GPR107: variants seen among roughly 807,000 people sequenced by gnomAD.
GPR107 encodes G protein-coupled receptor 107, also known as protein GPR107.
In GPR107, 31 loss-of-function variants were observed where a neutral mutation model predicts 75.5. That is an observed-to-expected ratio of 0.41 (90% confidence interval 0.31 to 0.55). The LOEUF is 0.55. Ranked by LOEUF, GPR107 falls within the 20% of genes least tolerant of loss-of-function variation. The pLI is 0.26. For missense variants in GPR107, 572 were observed against 665.7 expected, an observed-to-expected ratio of 0.86 and a Z score of 1.55; for synonymous variants, 267 against 251.3, an observed-to-expected ratio of 1.06 and a Z score of -0.59.
chr9:130,076,540 A>C, intron 3 of GPR107, 78 bp downstream of exon 3: 1 of 906,526 alleles, frequency 1.1e-6, no homozygotes, highest in East Asian at 2.4e-5. Context: ...TACTTCTTGC[A>C]GTTCCATTTT....
At chr9:130,134,985 C>T (rs1564689601) in intron 17 of GPR107, 40 bp from the exon 18 acceptor site, 2 of 1,142,408 alleles carry the variant, frequency 1.8e-6, no homozygotes, top group African/African-American at 3.0e-5. Flanking sequence ...TACTAAGAGA[C>T]TGTGAGATGT....
chr9:130,100,863 C>A (rs1831011536), intron 11 of GPR107, among the ~76,000 whole-genome samples, 161 bp downstream of exon 11: 1 of 152,212 alleles, frequency 6.6e-6, no homozygotes, highest in Admixed American at 6.5e-5. Context: ...GCTGTCCAGA[C>A]TTGGGAAGTC....
rs1387694786 is a variant in GPR107, at chr9:130,140,058, A to T, written c.*4937A>T. On this transcript the variant is annotated 3_prime_UTR_variant, in exon 18 of 18. Coordinates refer to ENST00000347136, the MANE Select transcript of GPR107 (RefSeq NM_020960.5). This position sits in a 1 kb window ranked among gnomAD's most constrained non-coding sequence, Gnocchi z 4.0. ...CACTAATGATCATTGAAGAGTATTT[A>T]TGTAAACATACAACGTATAATGGGT... 1 of 152,162 alleles carries T rather than the reference A, an allele frequency of 6.6e-6. No individual in the cohort carries two copies. The highest frequency in any genetic ancestry group is 2.4e-5 in the African/African-American group (1 of 41,434). 9.4% of individuals were successfully genotyped at this position (152,162 alleles called of 1,614,324 possible).
intron 4 of GPR107, 41 bp from the exon 5 acceptor site, chr9:130,079,589 A>C: frequency 6.3e-7 from 1 of 1,597,750 alleles, no homozygotes; most frequent in Non-Finnish European, 8.6e-7. Flanking sequence ...GGCCAGGAGC[A>C]CTGCTTTGAC....
intron 7 of GPR107, among the ~76,000 whole-genome samples, chr9:130,087,805 C>CAAAAAAAAAAAA (rs35984705): frequency 3.5e-4 from 31 of 87,620 alleles, no homozygotes; most frequent in African/African-American, 1.0e-3. Context: ...GACCCTGTCT[C>CAAAAAAAAAAAA]AAAAAAAAAA....
chr9:130,128,595 A>G (rs1312691055), intron 16 of GPR107, 45 bp from the exon 17 acceptor site: 3 of 1,540,426 alleles, frequency 1.9e-6, no homozygotes, highest in Admixed American at 3.4e-5. Flanking sequence ...TCTGAAGAAC[A>G]GTGTTGCTAA....
chr9:130,090,908 A>G lies in GPR107; in HGVS notation c.654A>G (p.Glu218=). 1 of 1,522,466 alleles carries G rather than the reference A, an allele frequency of 6.6e-7. No individual in the cohort carries two copies. Among genetic ancestry groups the G allele is most frequent in the Non-Finnish European group, 9.1e-7 (1 of 1,097,820 alleles). The allele number at this position is 1,522,466 out of a possible 1,614,324, so 94.3% of individuals were successfully genotyped here. ...FFFNISTDDQ[E]GLYSLYFHKC... ...TTAACATCAGCACTGATGACCAAGA[A>G]GGCCTTTACAGTCTTTATTTTCATA... is the stretch of plus-strand genomic sequence containing the variant. The change falls in exon 8 of 18, where the codon GAA becomes GAG. Residue 218 remains glutamate (E), a synonymous_variant. Transcript: ENST00000347136.
At position 130,090,939 on chromosome 9, in the gene GPR107, C is replaced by G. The variant is rs142491421; in HGVS notation, c.685C>G (p.Leu229Val). 6.5e-5 allele frequency: 102 copies of G among 1,558,888 alleles called. No individual in the cohort carries two copies. In the African/African-American group the frequency reaches 1.3e-3, roughly 19 times the overall value. Residue 229 changes from leucine (L) to valine (V), a missense_variant, in exon 8 of 18, where the codon CTT (leucine) becomes GTT (valine). Physicochemically the swap from Leu to Val is conservative, Grantham distance 32. Coordinates refer to ENST00000347136, the MANE Select transcript of GPR107 (RefSeq NM_020960.5). ...TTACAGTCTTTATTTTCATAAATGCCTTGGAAAAGAATTGCCAAGTGACAA... is the reference window on the plus strand; with the variant it reads ...TTACAGTCTTTATTTTCATAAATGCGTTGGAAAAGAATTGCCAAGTGACAA... Reference protein sequence around the residue: ...GLYSLYFHKCLGKELPSDKFT... With the variant: ...GLYSLYFHKCVGKELPSDKFT...
chr9:130,102,346 G>A (rs76060456), intron 12 of GPR107, among the ~76,000 whole-genome samples: 154 of 152,288 alleles, frequency 1.0e-3, no homozygotes, highest in African/African-American at 3.4e-3. Context: ...ACCCGGCTGC[G>A]TGTGCCTCTT....
At chr9:130,092,498 C>A (rs1269422128) in intron 9 of GPR107, 117 bp downstream of exon 9, 2 of 812,396 alleles carry the variant, frequency 2.5e-6, no homozygotes, top group Admixed American at 4.0e-5. Context: ...TTTCAAAGGG[C>A]ATCTTCCCGG....
At chr9:130,069,204 G>A (rs1470637399) in intron 1 of GPR107, among the ~76,000 whole-genome samples, 1 of 152,210 alleles carries the variant, frequency 6.6e-6, no homozygotes, top group South Asian at 2.1e-4. Context: ...AAATGGACAT[G>A]TTTGAGGCTA....
At chr9:130,055,120 T>A (rs974173622) in intron 1 of GPR107, among the ~76,000 whole-genome samples, 1 of 151,998 alleles carries the variant, frequency 6.6e-6, no homozygotes. Flanking sequence ...GAAAAGTAAA[T>A]TGTTATGACC....
intron 1 of GPR107, among the ~76,000 whole-genome samples, chr9:130,056,924 CAAAAAAAAA>C (rs11442007): frequency 3.3e-4 from 14 of 42,892 alleles, no homozygotes; most frequent in African/African-American, 1.2e-3. Flanking sequence ...GACTCCTTCT[CAAAAAAAAA>C]AAAAAAAAAA....
rs188018037 is a variant in GPR107, at chr9:130,113,924, C to T, written c.1306+6385C>T. 2.0e-5 allele frequency among the ~76,000 whole-genome samples: 3 copies of T among 152,112 alleles called. No individual in the cohort carries two copies. The East Asian group carries it at 5.8e-4, about 29-fold the overall frequency. ...TTCATATATTTTCACCAAATACTCC[C>T]TCACAGCAAGTTGAATGCTGATTGA... On this transcript the variant is annotated intron_variant, in intron 14 of 17. Transcript: ENST00000347136.
intron 1 of GPR107, among the ~76,000 whole-genome samples, chr9:130,068,199 T>A (rs1042334125): frequency 2.0e-5 from 3 of 152,060 alleles, no homozygotes; most frequent in Non-Finnish European, 4.4e-5. Flanking sequence ...GCCAGCTTGG[T>A]TTTGTAAGTC....
At chr9:130,117,251 A>T (rs1159527783) in intron 14 of GPR107, among the ~76,000 whole-genome samples, 2 of 105,282 alleles carry the variant, frequency 1.9e-5, no homozygotes, top group African/African-American at 6.7e-5. Context: ...CTGGCCAGAA[A>T]TGTATTTTCG....
At chr9:130,100,853 G>A in intron 11 of GPR107, 151 bp downstream of exon 11, 1 of 669,190 alleles carries the variant, frequency 1.5e-6, no homozygotes, top group South Asian at 1.7e-5. Context: ...CTCATGGGTG[G>A]CTGTCCAGAC....
intron 9 of GPR107, among the ~76,000 whole-genome samples, chr9:130,094,976 C>T (rs535218228): frequency 4.1e-4 from 63 of 152,094 alleles, no homozygotes; most frequent in Non-Finnish European, 7.9e-4. Context: ...CCACTGCGCC[C>T]GGCCTCTGTT....
chr9:130,097,327 G>A (rs536716245), intron 9 of GPR107, among the ~76,000 whole-genome samples: 1 of 151,898 alleles, frequency 6.6e-6, no homozygotes, highest in East Asian at 1.9e-4. Context: ...GCTAATTTTT[G>A]TATTTTTAGT....
Sources: allele counts gnomAD v4.1 joint callset (sites outside exome capture counted in the v4.1 genomes callset), GRCh38; gene constraint gnomAD v4.1.1; non-coding constraint Gnocchi (gnomAD v3.1); transcripts MANE v1.5; gene names NCBI Gene and HGNC (gene_info 2026-07-23, HGNC 2026-07-21).